Variants in FUT8 observed in about 807,000 individuals in gnomAD.
FUT8 encodes the protein fucosyltransferase 8.
Under a neutral mutation model 71.3 loss-of-function variants are expected in FUT8, and 29 were observed. The ratio of observed to expected loss-of-function variants is 0.41; its 90% CI spans 0.30 to 0.55. The LOEUF (loss-of-function observed/expected upper bound fraction) is 0.55. Ranked by LOEUF, FUT8 falls within the 20% of genes least tolerant of loss-of-function variation. FUT8 has a pLI of 0.34. For synonymous variants in FUT8, 254 were observed against 239.3 expected (o/e 1.06, Z -0.57); for missense variants, 544 against 702.1 (o/e 0.77, Z 2.55).
In FUT8 at chr14:65,669,217, T is replaced by G; in HGVS notation, c.598-26T>G. 6.3e-7 allele frequency: 1 copy of G among 1,577,924 alleles called. No individual in the cohort carries two copies. The highest frequency in any genetic ancestry group is 1.4e-5 in the African/African-American group (1 of 74,042). On this transcript the variant is annotated intron_variant, in intron 6 of 10. Transcript: ENST00000673929. This position sits in a 1 kb window ranked among gnomAD's most constrained non-coding sequence, Gnocchi z 4.5. Reference sequence around the variant, plus strand: ...GACCTCTCTGTACAACTTATCTTTATTTTCATTTCTCTTTCTCCCTGACAG... The same window carrying G: ...GACCTCTCTGTACAACTTATCTTTAGTTTCATTTCTCTTTCTCCCTGACAG...
At chr14:65,405,232 G>T in the FUT8 span, among the ~76,000 whole-genome samples, 1 of 152,188 alleles carries the variant, frequency 6.6e-6, no homozygotes, top group Non-Finnish European at 1.5e-5. Context: ...TTTCTGCTTA[G>T]ATCTCAATAG....
At chr14:65,490,126 C>T (rs1364699536) in intron 2 of FUT8, among the ~76,000 whole-genome samples, 1 of 152,016 alleles carries the variant, frequency 6.6e-6, no homozygotes, top group Non-Finnish European at 1.5e-5. Flanking sequence ...GTAATTACAG[C>T]TGCAGATTTA....
At chr14:65,424,507 A>G (rs1332921919) in intron 1 of FUT8, among the ~76,000 whole-genome samples, 1 of 149,658 alleles carries the variant, frequency 6.7e-6, no homozygotes, top group Non-Finnish European at 1.5e-5. Context: ...CACTCATGAC[A>G]TACCTCTTAC....
intron 3 of FUT8, among the ~76,000 whole-genome samples, chr14:65,578,701 T>C (rs1886920260): frequency 6.6e-6 from 1 of 152,190 alleles, no homozygotes; most frequent in African/African-American, 2.4e-5. Context: ...AATGGTTGTT[T>C]AGTTTGGAGA....
intron 3 of FUT8, among the ~76,000 whole-genome samples, chr14:65,611,302 C>CACACACACACACACACACACA (rs1566851609): frequency 2.6e-5 from 1 of 38,476 alleles, no homozygotes; most frequent in African/African-American, 1.5e-4. Context: ...CACACACACA[C>CACACACACACACACACACACA]CCCCCAAGTA....
At position 65,677,183 on chromosome 14, in the gene FUT8, T is replaced by C. The variant is rs550241104; in HGVS notation, c.835+7703T>C. On this transcript the variant is annotated intron_variant, in intron 7 of 10. Transcript: ENST00000673929. ...GCGCATGCGCGCGCACGTATGTGTG[T>C]GCGCATGTGTGTTTTTAAGTAATAG... 7.0e-3 allele frequency among the ~76,000 whole-genome samples: 920 copies of C among 130,648 alleles called. 5 individuals are homozygous for C. Among genetic ancestry groups the C allele is most frequent in the African/African-American group, 0.019 (708 of 37,166 alleles). 85.7% of individuals were successfully genotyped at this position (130,648 alleles called of 152,430 possible).
chr14:65,563,492 A>T (rs1290967095), intron 3 of FUT8, among the ~76,000 whole-genome samples: 2 of 152,004 alleles, frequency 1.3e-5, no homozygotes. Flanking sequence ...AACTCTGAAT[A>T]ACTGTATTGC....
chr14:65,493,578 A>G (rs1346379412), intron 2 of FUT8, among the ~76,000 whole-genome samples: 1 of 152,092 alleles, frequency 6.6e-6, no homozygotes, highest in African/African-American at 2.4e-5. Flanking sequence ...AACCTATAGA[A>G]TTGATGTTTT....
At chr14:65,528,001 C>T (rs1883619892) in intron 2 of FUT8, among the ~76,000 whole-genome samples, 1 of 152,134 alleles carries the variant, frequency 6.6e-6, no homozygotes, top group South Asian at 2.1e-4. Flanking sequence ...GGGTCAGTGA[C>T]CTACTTGAGG....
At chr14:65,587,203 CA>C (rs1052249531) in intron 3 of FUT8, among the ~76,000 whole-genome samples, 2 of 145,890 alleles carry the variant, frequency 1.4e-5, no homozygotes, top group Admixed American at 6.8e-5. Flanking sequence ...AAAAAAAAAA[CA>C]AAAAAAACTA....
In FUT8 at chr14:65,567,626, A is replaced by G. The variant is rs140396343; in HGVS notation, c.203+5860A>G. 4.6e-5 allele frequency among the ~76,000 whole-genome samples: 7 copies of G among 151,992 alleles called. No homozygotes were observed. The East Asian group carries it at 9.7e-4, about 21-fold the overall frequency. ...TGCCATCTAATTATAACCTTTCATG[A>G]TATCTGCCTTTTGCTTTTTCAATCT... On this transcript the variant is annotated intron_variant, in intron 3 of 10. Transcript: ENST00000673929.
chr14:65,525,737 G>T (rs1046849551), intron 2 of FUT8, among the ~76,000 whole-genome samples: 2 of 152,140 alleles, frequency 1.3e-5, no homozygotes, highest in African/African-American at 4.8e-5. Context: ...CTTTAAATGT[G>T]TCCCAGAGAT....
rs147532785 is a variant in FUT8 at position 65,721,401 on chromosome 14, C to T, written c.836-374C>T. Among the ~76,000 whole-genome samples, 649 of 152,212 alleles carry T rather than the reference C, an allele frequency of 4.3e-3. 2 individuals are homozygous for T. Among genetic ancestry groups the T allele is most frequent in the African/African-American group, 0.014 (561 of 41,520 alleles). On this transcript the variant is annotated intron_variant, in intron 7 of 10. Transcript: ENST00000673929. Reference sequence around the variant, plus strand: ...TGCTGTAATGAAAAGCTAGAAGTTTCGAGAACACTTTATTTTCTAATTCCA... The same window carrying T: ...TGCTGTAATGAAAAGCTAGAAGTTTTGAGAACACTTTATTTTCTAATTCCA...
At chr14:65,598,532 A>G (rs1444567823) in intron 3 of FUT8, among the ~76,000 whole-genome samples, 1 of 151,844 alleles carries the variant, frequency 6.6e-6, no homozygotes, top group Non-Finnish European at 1.5e-5. Flanking sequence ...CAGTTTTTTT[A>G]TTCTGTTAAA....
intron 1 of FUT8, among the ~76,000 whole-genome samples, chr14:65,443,599 G>A (rs905763896): frequency 2.6e-5 from 4 of 151,650 alleles, no homozygotes; most frequent in Non-Finnish European, 5.9e-5. Context: ...GTGCGCTTGT[G>A]GTCCCAGCTA....
chr14:65,556,289 A>C (rs1474687070), intron 2 of FUT8, among the ~76,000 whole-genome samples: 2 of 152,144 alleles, frequency 1.3e-5, no homozygotes, highest in African/African-American at 4.8e-5. Flanking sequence ...ATGTGGACCA[A>C]AGCTACAGCT....
chr14:65,546,489 A>G (rs1300219179), intron 2 of FUT8, among the ~76,000 whole-genome samples: 1 of 151,668 alleles, frequency 6.6e-6, no homozygotes, highest in Admixed American at 6.6e-5. Flanking sequence ...TATTGTGTAT[A>G]CTGGTAGTTG....
chr14:65,631,771 G>A (rs1261752373), intron 6 of FUT8, among the ~76,000 whole-genome samples: 1 of 151,982 alleles, frequency 6.6e-6, no homozygotes, highest in African/African-American at 2.4e-5. Context: ...CTTTAGTGGT[G>A]CTTGGTGAGA....
At chr14:65,565,798 A>G (rs1886162623) in intron 3 of FUT8, among the ~76,000 whole-genome samples, 1 of 151,814 alleles carries the variant, frequency 6.6e-6, no homozygotes. Flanking sequence ...TTTGCCATTC[A>G]TATGTCATCT....
Sources: allele counts gnomAD v4.1 joint callset (sites outside exome capture counted in the v4.1 genomes callset), GRCh38; gene constraint gnomAD v4.1.1; non-coding constraint Gnocchi (gnomAD v3.1); transcripts MANE v1.5; gene names NCBI Gene and HGNC (gene_info 2026-07-23, HGNC 2026-07-21).